FOXN3: variants seen among roughly 807,000 people sequenced by gnomAD.
FOXN3 encodes forkhead box N3.
Under a neutral mutation model 38.4 loss-of-function variants are expected in FOXN3, and 7 were observed. The observed-to-expected ratio is 0.18, with a 90% CI of 0.10 to 0.34. FOXN3 has a LOEUF of 0.34. Among genes scored for constraint, FOXN3 ranks in the 10% least tolerant of loss-of-function variants. The pLI is 1.00. For missense variants in FOXN3, 456 were observed against 613.4 expected (o/e 0.74, Z 2.71); for synonymous variants, 230 against 242.2 (o/e 0.95, Z 0.47).
chr14:89,202,760 T>G (rs1888267502), intron 4 of FOXN3, among the ~76,000 whole-genome samples: 1 of 152,140 alleles, frequency 6.6e-6, no homozygotes, highest in Non-Finnish European at 1.5e-5. Context: ...CCTCCGCATT[T>G]CGCATGAGTG....
intron 4 of FOXN3, among the ~76,000 whole-genome samples, chr14:89,276,768 A>C (rs1372682977): frequency 6.6e-6 from 1 of 152,224 alleles, no homozygotes; most frequent in East Asian, 1.9e-4. Context: ...AGCTAGAAAT[A>C]AAAGCAGGCC....
At chr14:89,313,587 G>A (rs912640268) in intron 3 of FOXN3, among the ~76,000 whole-genome samples, 8 of 63,974 alleles carry the variant, frequency 1.3e-4, no homozygotes, top group Non-Finnish European at 2.3e-4. Flanking sequence ...GACAAGAGAC[G>A]AAGTCCATGT....
chr14:89,162,589 T>C lies in FOXN3; in HGVS notation c.1232A>G (p.Asp411Gly). 1.2e-6 allele frequency: 2 copies of C among 1,614,040 alleles called. No individual in the cohort carries two copies. The highest frequency in any genetic ancestry group is 1.7e-6 in the Non-Finnish European group (2 of 1,179,998). ...GCGTCTCTTTTTGAGGGGCAGTGTG[T>C]CGCTGGGGACCTTCCTGGCCTTGGC... The part of the protein sequence containing the change: ...HFAKARKVPS[D>G]TLPLKKRRTE... Residue 411 changes from aspartate (D) to glycine (G), a missense_variant, in exon 6 of 6, where the codon GAC becomes GGC. Around this residue, in one of 3 missense-constraint regions of FOXN3, gnomAD observed 386 missense variants for 505.2 expected, o/e 0.76. Coordinates refer to ENST00000557258, the MANE Select transcript of FOXN3 (RefSeq NM_005197.4). The surrounding 1 kb of genome is among the most constrained non-coding windows in gnomAD (Gnocchi z 7.2).
intron 1 of FOXN3, among the ~76,000 whole-genome samples, chr14:89,423,557 A>G (rs1286035788): frequency 6.6e-6 from 1 of 152,246 alleles, no homozygotes; most frequent in African/African-American, 2.4e-5. Flanking sequence ...TTAAATTTAT[A>G]AATCTTACAA....
chr14:89,162,762 C>A lies in FOXN3; in HGVS notation c.1059G>T (p.Glu353Asp). Residue 353 changes from glutamate (E) to aspartate (D), a missense_variant, in exon 6 of 6, where the codon GAG becomes GAT. Around this residue, in one of 3 missense-constraint regions of FOXN3, gnomAD observed 386 missense variants for 505.2 expected, o/e 0.76. Coordinates refer to ENST00000557258, the MANE Select transcript of FOXN3 (RefSeq NM_005197.4). This position sits in a 1 kb window ranked among gnomAD's most constrained non-coding sequence, Gnocchi z 7.2. ...HYEFATKGSQ[E>D]GSEGSEGSFR... The stretch of plus-strand genomic sequence containing the variant: ...AGCTCCCCTCGCTGCCCTCGCTGCC[C>A]TCCTGGCTCCCCTTGGTGGCAAACT... The A allele has an allele frequency of 6.2e-7, 1 of 1,613,096 alleles. No individual in the cohort carries two copies. Among genetic ancestry groups the A allele is most frequent in the South Asian group, 1.1e-5 (1 of 91,042 alleles).
At chr14:89,297,559 C>CAAAAAAAAAAAAA (rs919496715) in intron 3 of FOXN3, among the ~76,000 whole-genome samples, 1 of 103,574 alleles carries the variant, frequency 9.7e-6, no homozygotes, top group Non-Finnish European at 2.0e-5. Flanking sequence ...GACTCCCTTT[C>CAAAAAAAAAAAAA]AAAAAAAAAA....
chr14:89,461,728 G>A (rs1054672023), intron 1 of FOXN3, among the ~76,000 whole-genome samples: 6 of 152,170 alleles, frequency 3.9e-5, no homozygotes, highest in African/African-American at 1.4e-4. Flanking sequence ...CCCAGAGCTG[G>A]TGTAGTCAGG....
At chr14:89,417,767 C>T (rs1210822341), upstream of FOXN3, 1 of 455,508 alleles carries the variant, frequency 2.2e-6, no homozygotes, top group Non-Finnish European at 4.4e-6. Flanking sequence ...CTTCCGAGCC[C>T]TCTCCCAGCG....
intron 1 of FOXN3, among the ~76,000 whole-genome samples, chr14:89,451,175 C>T (rs113208196): frequency 1.2e-4 from 19 of 152,256 alleles, no homozygotes; most frequent in African/African-American, 4.6e-4. Context: ...GACTGAATAC[C>T]CCAAATCAGA....
At chr14:89,508,723 C>A (rs1893999215) in intron 1 of FOXN3, among the ~76,000 whole-genome samples, 1 of 152,178 alleles carries the variant, frequency 6.6e-6, no homozygotes, top group Non-Finnish European at 1.5e-5. Flanking sequence ...CCATGGATCA[C>A]CTGCAGGCCC....
rs1285187154 is a variant in FOXN3, at chr14:89,505,447, G to A, written c.-14-92957C>T. Among the ~76,000 whole-genome samples the A allele has an allele frequency of 8.5e-5, 13 of 152,198 alleles. No homozygotes were observed. In the South Asian group the frequency reaches 1.9e-3, roughly 22 times the overall value. ...GCACCGCCACGCCTGACTGGTTTTC[G>A]TATTTTTTTGGTGGAGACGGGGTTT... On this transcript the variant is annotated intron_variant, in intron 1 of 6. Transcript: ENST00000345097.
At chr14:89,510,332 A>G (rs1894032122) in intron 1 of FOXN3, among the ~76,000 whole-genome samples, 1 of 152,202 alleles carries the variant, frequency 6.6e-6, no homozygotes, top group African/African-American at 2.4e-5. Context: ...TTCAGTTCCA[A>G]AACTCATAAG....
chr14:89,418,412 A>ACCC (rs77366418), upstream of FOXN3, among the ~76,000 whole-genome samples: 345 of 71,996 alleles, frequency 4.8e-3, 11 homozygotes, highest in African/African-American at 0.01. Flanking sequence ...CAAAAAATAG[A>ACCC]CCCCCCCCCC....
At chr14:89,485,993 C>A (rs188066047) in intron 1 of FOXN3, among the ~76,000 whole-genome samples, 55 of 152,298 alleles carry the variant, frequency 3.6e-4, no homozygotes, top group African/African-American at 1.3e-3. Context: ...CTTCTCCATT[C>A]CCTGAACCAA....
At chr14:89,419,754 T>G (rs1891852638), upstream of FOXN3, 1 of 153,408 alleles carries the variant, frequency 6.5e-6, no homozygotes. Flanking sequence ...ATTCTTTTGC[T>G]AAATGTTTCT....
At chr14:89,608,464 T>C (rs970347418) in intron 1 of FOXN3, among the ~76,000 whole-genome samples, 5 of 152,252 alleles carry the variant, frequency 3.3e-5, no homozygotes, top group African/African-American at 9.6e-5. Context: ...TATAAAAACT[T>C]TTGTTTCATC....
intron 1 of FOXN3, among the ~76,000 whole-genome samples, chr14:89,499,402 A>T (rs1893750494): frequency 1.3e-5 from 2 of 151,856 alleles, no homozygotes; most frequent in South Asian, 4.1e-4. Flanking sequence ...TTGCCTAATG[A>T]GCAATTTGCC....
At chr14:89,191,769 G>A (rs1379157259) in intron 4 of FOXN3, among the ~76,000 whole-genome samples, 8 of 148,272 alleles carry the variant, frequency 5.4e-5, no homozygotes, top group African/African-American at 7.5e-5. Context: ...AAAAAAAATA[G>A]AACTTGACTT....
rs1891007239 is a variant in FOXN3, at chr14:89,393,271, A to C, written c.543+18663T>G. ...TCTTCTTTTTATAAGAATGCCAGTT[A>C]CATTGGATTACAAACCACCCTGATC... On this transcript the variant is annotated intron_variant, in intron 2 of 5. Transcript: ENST00000557258. Among the ~76,000 whole-genome samples, 7 of 152,298 alleles carry C rather than the reference A, an allele frequency of 4.6e-5. No homozygotes were observed. The South Asian group carries it at 1.5e-3, about 32-fold the overall frequency.
Sources: allele counts gnomAD v4.1 joint callset (sites outside exome capture counted in the v4.1 genomes callset), GRCh38; gene constraint gnomAD v4.1.1; regional missense constraint gnomAD v4.1.1; non-coding constraint Gnocchi (gnomAD v3.1); transcripts MANE v1.5; gene names NCBI Gene and HGNC (gene_info 2026-07-23, HGNC 2026-07-21).